The following DNAH5 variants were observed in gnomAD, a reference collection of about 807,000 sequenced individuals.
DNAH5 encodes the protein axonemal beta dynein heavy chain 5.
In DNAH5, 372 loss-of-function variants were observed where a neutral mutation model predicts 518.2. That is an observed-to-expected ratio of 0.72 (90% CI 0.66 to 0.78). The LOEUF (loss-of-function observed/expected upper bound fraction) is 0.78, where lower values mean the gene tolerates loss of function less well. Ranked by LOEUF, DNAH5 falls within the 30% of genes least tolerant of loss-of-function variation. DNAH5 has a pLI of 0.00. For missense variants in DNAH5, 5,523 were observed against 5,687.0 expected, an observed-to-expected ratio of 0.97 and a Z score of 0.93; for synonymous variants, 2,039 against 2,025.9, an observed-to-expected ratio of 1.01 and a Z score of -0.17.
At chr5:13,998,581 T>C (rs1784128775) in intron 1 of DNAH5, among the ~76,000 whole-genome samples, 1 of 152,242 alleles carries the variant, frequency 6.6e-6, no homozygotes, top group Non-Finnish European at 1.5e-5. Context: ...TATTCTGAGT[T>C]GGGAAAGTGA....
At chr5:13,716,752 C>A in intron 73 of DNAH5, 62 bp from the exon 74 acceptor site, 1 of 1,109,554 alleles carries the variant, frequency 9.0e-7, no homozygotes. Context: ...ATTTCCCTGC[C>A]AAGTCACACC....
At chr5:13,702,687 G>C (rs1742272125) in intron 76 of DNAH5, among the ~76,000 whole-genome samples, 1 of 152,026 alleles carries the variant, frequency 6.6e-6, no homozygotes, top group South Asian at 2.1e-4. Context: ...AAATAAAGGG[G>C]TCTGGTCAAA....
At position 13,862,582 on chromosome 5, in the gene DNAH5, T is replaced by G. The variant is rs1156817896; in HGVS notation, c.4762A>C (p.Ser1588Arg). 1.2e-6 allele frequency: 2 copies of G among 1,614,012 alleles called. No homozygotes were observed. The highest frequency in any genetic ancestry group is 2.2e-5 in the East Asian group (1 of 44,876). ...TSEIIANMED[S>R]LMLLGSLLSN... ...AGTAGGGATCCCAGCAACATCAAGC[T>G]GTCCTCCATGTTGGCGATGATTTCC... The change falls in exon 29 of 79, where the codon AGC becomes CGC. Residue 1588 changes from serine to arginine, a missense_variant. Transcript: ENST00000265104.
rs148349630 is a variant in DNAH5, at chr5:13,721,242, G to A, written c.12037C>T (p.Arg4013Cys). The A allele has an allele frequency of 2.4e-5, 38 of 1,613,868 alleles. No individual in the cohort carries two copies. The highest frequency in any genetic ancestry group is 7.7e-5 in the South Asian group (7 of 91,082). ...CCCATGGAGTCCACGATGTACTTGC[G>A]GGCCTGCCAAAAACAGTATACAAGT... ...WCPDRTIAQARKYIVDSMGEK... is the reference protein window; with the variant it reads ...WCPDRTIAQACKYIVDSMGEK... The change falls in exon 71 of 79, where the codon CGC (arginine) becomes TGC (cysteine). Residue 4013 changes from arginine to cysteine, a missense_variant. By Grantham distance (180) the Arg-to-Cys change is radical. This residue lies in a region of DNAH5 where 5,121 missense variants were observed against 5,223.3 expected (regional missense o/e 0.98). Coordinates refer to ENST00000265104, the MANE Select transcript of DNAH5 (RefSeq NM_001369.3).
In DNAH5 at chr5:13,885,041, T is replaced by C. The variant is rs1469143674; in HGVS notation, c.2931A>G (p.Thr977=). 3 of 1,614,078 alleles carry C rather than the reference T, an allele frequency of 1.9e-6. No homozygotes were observed. Among genetic ancestry groups the C allele is most frequent in the African/African-American group, 2.7e-5 (2 of 74,932 alleles). ...GAATACGTTTGCGAATGGCCTCTAG[T>C]GTATTCCTTGTAACTTTCAGAAGAG... ...MDALLKVTRN[T]LEAIRKRIHS... is the part of the protein sequence containing the mutation. Residue 977 remains threonine, a synonymous_variant, in exon 19 of 79, where the codon ACA becomes ACG. Coordinates refer to ENST00000265104, the MANE Select transcript of DNAH5 (RefSeq NM_001369.3).
Position 13,792,032 on chromosome 5 carries a change from T to A in DNAH5, c.8410A>T (p.Met2804Leu). ...LRDLSRVWQG[M>L]LNTTSEVIKE... ...ATGACCTCTGAAGTAGTGTTCAGCA[T>A]TCCCTGCCAGACCCGAGAAAGATCT... Residue 2804 changes from methionine to leucine, a missense_variant, in exon 50 of 79, where the codon ATG (methionine) becomes TTG (leucine). Met to Leu is a conservative substitution (Grantham distance 15). Coordinates refer to ENST00000265104, the MANE Select transcript of DNAH5 (RefSeq NM_001369.3). 6.2e-7 allele frequency: 1 copy of A among 1,614,086 alleles called. No individual in the cohort carries two copies. Among genetic ancestry groups the A allele is most frequent in the Non-Finnish European group, 8.5e-7 (1 of 1,179,972 alleles).
At chr5:13,884,872 A>G (rs1772167457) in intron 19 of DNAH5, 117 bp downstream of exon 19, 1 of 1,424,478 alleles carries the variant, frequency 7.0e-7, no homozygotes, top group African/African-American at 1.5e-5. Context: ...AATATTTTTA[A>G]TTATTTAAAT....
At chr5:13,840,243 C>CT (rs1764980107) in intron 34 of DNAH5, among the ~76,000 whole-genome samples, 1 of 152,266 alleles carries the variant, frequency 6.6e-6, no homozygotes, top group African/African-American at 2.4e-5. Context: ...CTTTCATAAT[C>CT]TTTTTTACAT....
chr5:13,718,265 A>G (rs1744571347), intron 72 of DNAH5, among the ~76,000 whole-genome samples: 1 of 152,234 alleles, frequency 6.6e-6, no homozygotes, highest in Admixed American at 6.5e-5. Flanking sequence ...ATTGAAACTC[A>G]GATTGAATGA....
chr5:13,948,210 T>C (rs926655295), upstream of DNAH5, among the ~76,000 whole-genome samples: 4 of 152,220 alleles, frequency 2.6e-5, no homozygotes, highest in African/African-American at 7.2e-5. Flanking sequence ...TGTTAGTAGA[T>C]TGGAAGAAAA....
intron 55 of DNAH5, among the ~76,000 whole-genome samples, chr5:13,771,941 G>C (rs1753399320): frequency 6.6e-6 from 1 of 152,158 alleles, no homozygotes; most frequent in South Asian, 2.1e-4. Flanking sequence ...AAGTTCTTAA[G>C]GCTGTTATTG....
chr5:13,915,481 T>C (rs759373564), intron 9 of DNAH5, among the ~76,000 whole-genome samples: 18 of 152,134 alleles, frequency 1.2e-4, no homozygotes, highest in Non-Finnish European at 2.2e-4. Context: ...CTTGTGGGTG[T>C]CATTTACCCA....
chr5:13,884,838 A>G, intron 19 of DNAH5, 151 bp downstream of exon 19: 1 of 1,270,528 alleles, frequency 7.9e-7, no homozygotes, highest in Non-Finnish European at 1.1e-6. Flanking sequence ...TCCATCTCAA[A>G]AAATAAAAAT....
At position 13,777,339 on chromosome 5, in the gene DNAH5, T is replaced by A; in HGVS notation, c.8968A>T (p.Asn2990Tyr). The A allele has an allele frequency of 6.2e-7, 1 of 1,613,250 alleles. No homozygotes were observed. Among genetic ancestry groups the A allele is most frequent in the Non-Finnish European group, 8.5e-7 (1 of 1,179,494 alleles). Residue 2990 changes from asparagine to tyrosine, a missense_variant, in exon 54 of 79, where the codon AAT (asparagine) becomes TAT (tyrosine). By Grantham distance (143) the Asn-to-Tyr change is moderately radical. Around this residue, in one of 3 missense-constraint regions of DNAH5, gnomAD observed 5,121 missense variants for 5,223.3 expected, o/e 0.98. Transcript: ENST00000265104. ...ITLTRSYNTS[N>Y]LMEDLKVLYR... ...AAAACCTTCAGATCTTCCATCAGATTTGATGTGTTGTAGGATCTAAAGAAA... is the reference window on the plus strand; with the variant it reads ...AAAACCTTCAGATCTTCCATCAGATATGATGTGTTGTAGGATCTAAAGAAA...
chr5:13,894,514 C>G, intron 16 of DNAH5, 136 bp downstream of exon 16: 1 of 941,914 alleles, frequency 1.1e-6, no homozygotes, highest in Admixed American at 2.3e-5. Context: ...TTTTGGAACA[C>G]TTCCTTATGA....
chr5:13,862,125 C>T (rs7737881), intron 29 of DNAH5, among the ~76,000 whole-genome samples: 59,665 of 151,950 alleles, frequency 0.39, 11,857 homozygotes, highest in South Asian at 0.47. Flanking sequence ...CTCCTGGATT[C>T]TACAGCCTGT....
intron 21 of DNAH5, among the ~76,000 whole-genome samples, chr5:13,880,523 G>T (rs2151934942): frequency 6.6e-6 from 1 of 152,060 alleles, no homozygotes; most frequent in East Asian, 1.9e-4. Flanking sequence ...ATTATAAAAA[G>T]ATGTAAAATG....
chr5:13,853,882 C>G (rs917131637), intron 30 of DNAH5, among the ~76,000 whole-genome samples: 2 of 151,832 alleles, frequency 1.3e-5, no homozygotes, highest in South Asian at 2.1e-4. Flanking sequence ...GTGAAAAGAC[C>G]AAACCTACAT....
At chr5:13,770,354 T>C (rs1753165290) in intron 56 of DNAH5, among the ~76,000 whole-genome samples, 1 of 152,202 alleles carries the variant, frequency 6.6e-6, no homozygotes, top group African/African-American at 2.4e-5. Context: ...GAAGAGGGGA[T>C]GTCTGCATTC....
Sources: allele counts gnomAD v4.1 joint callset (sites outside exome capture counted in the v4.1 genomes callset), GRCh38; gene constraint gnomAD v4.1.1; regional missense constraint gnomAD v4.1.1; transcripts MANE v1.5; gene names NCBI Gene and HGNC (gene_info 2026-07-23, HGNC 2026-07-21).